The following LMF1 variants were observed in gnomAD, a reference collection of about 807,000 sequenced individuals.
LMF1 encodes transmembrane protein 112.
A neutral mutation model predicts 60.6 loss-of-function variants in LMF1; 68 were observed. The ratio of observed to expected loss-of-function variants is 1.12; its 90% confidence interval spans 0.92 to 1.37. The LOEUF (loss-of-function observed/expected upper bound fraction) is 1.37. Ranked by LOEUF, LMF1 falls within the 40% of genes most tolerant of loss-of-function variation. The pLI is 0.00. For missense variants in LMF1, 948 were observed against 767.2 expected (o/e 1.24, Z -2.78); for synonymous variants, 418 against 324.7 (o/e 1.29, Z -3.09).
intron 3 of LMF1, among the ~76,000 whole-genome samples, chr16:912,071 C>T (rs915024244): frequency 6.6e-5 from 10 of 152,162 alleles, no homozygotes; most frequent in Non-Finnish European, 4.4e-5. Flanking sequence ...CCCCAGAGAC[C>T]CCACAGGCCG....
intron 10 of LMF1, among the ~76,000 whole-genome samples, chr16:860,773 C>G (rs528047071): frequency 6.6e-6 from 1 of 151,556 alleles, no homozygotes; most frequent in South Asian, 2.1e-4. Flanking sequence ...GTAAAAAAAA[C>G]TCATCCGGGC....
chr16:940,965 T>A (rs1346641563), intron 2 of LMF1, among the ~76,000 whole-genome samples: 1 of 152,228 alleles, frequency 6.6e-6, no homozygotes. Context: ...TTGCTTCATA[T>A]ATTGTGAGGT....
chr16:934,165 AG>A, intron 3 of LMF1, 78 bp downstream of exon 3: 2 of 1,597,670 alleles, frequency 1.3e-6, no homozygotes, highest in Non-Finnish European at 1.7e-6. Flanking sequence ...GGGAGAGGCC[AG>A]GAAAAGTGCG....
At chr16:863,919 T>C (rs1206591552) in intron 10 of LMF1, among the ~76,000 whole-genome samples, 1 of 152,284 alleles carries the variant, frequency 6.6e-6, no homozygotes, top group Non-Finnish European at 1.5e-5. Context: ...AAATGTGACA[T>C]GTCATTCAGT....
intron 2 of LMF1, among the ~76,000 whole-genome samples, chr16:940,493 G>C (rs572540256): frequency 6.6e-6 from 1 of 152,308 alleles, no homozygotes; most frequent in Non-Finnish European, 1.5e-5. Flanking sequence ...ACAGGAAACA[G>C]CTGGGAAACC....
At chr16:865,688 A>G (rs950071044) in intron 10 of LMF1, among the ~76,000 whole-genome samples, 1 of 152,194 alleles carries the variant, frequency 6.6e-6, no homozygotes, top group African/African-American at 2.4e-5. Flanking sequence ...CGTTTTGCCA[A>G]ATTTGGGAAG....
intron 5 of LMF1, among the ~76,000 whole-genome samples, chr16:881,203 G>A (rs1247847785): frequency 6.6e-6 from 1 of 152,140 alleles, no homozygotes; most frequent in Non-Finnish European, 1.5e-5. Context: ...CACACCCGAG[G>A]GGGTGACCGG....
intron 6 of LMF1, 22 bp from the exon 7 acceptor site, chr16:871,363 G>A (rs1239624544): frequency 6.2e-7 from 1 of 1,610,020 alleles, no homozygotes. Flanking sequence ...CCGCAGCTGA[G>A]TCTCGTGCAG....
At chr16:920,745 G>C (rs1231973160) in intron 3 of LMF1, among the ~76,000 whole-genome samples, 5 of 152,180 alleles carry the variant, frequency 3.3e-5, no homozygotes, top group Non-Finnish European at 7.3e-5. Flanking sequence ...CAAGAAACTG[G>C]CAACGGAAGA....
At chr16:935,223 C>T (rs1362816713) in intron 2 of LMF1, among the ~76,000 whole-genome samples, 3 of 152,064 alleles carry the variant, frequency 2.0e-5, no homozygotes, top group African/African-American at 2.4e-5. Context: ...CCTCAGCCTC[C>T]TGAGTTGCTG....
At chr16:948,389 C>T (rs1389027385) in intron 2 of LMF1, among the ~76,000 whole-genome samples, 1 of 147,160 alleles carries the variant, frequency 6.8e-6, no homozygotes, top group African/African-American at 2.5e-5. Context: ...GAGCCAACGT[C>T]AGAGTCAGCC....
chr16:978,582 C>T (rs556630630), intron 1 of LMF1, among the ~76,000 whole-genome samples: 34 of 152,222 alleles, frequency 2.2e-4, no homozygotes, highest in Non-Finnish European at 3.2e-4. Context: ...CCGGCACTCA[C>T]GGCCCAGGGG....
chr16:939,250 C>G (rs952875976), intron 2 of LMF1, among the ~76,000 whole-genome samples: 1 of 113,288 alleles, frequency 8.8e-6, no homozygotes. Flanking sequence ...GACAACAGCA[C>G]GCTGTCCCCG....
At position 970,830 on chromosome 16, in the gene LMF1, G is replaced by C. The variant is rs1445126515; in HGVS notation, c.151C>G (p.Leu51Val). The change falls in exon 1 of 11, where the codon CTG becomes GTG. Residue 51 changes from leucine (L) to valine (V), a missense_variant. Coordinates refer to ENST00000262301, the MANE Select transcript of LMF1 (RefSeq NM_022773.4). ...GCCTTCAGGAGCACGATCCGGGTCA[G>C]CCAGAAGGTGCCCGTGTGGAGATGG... Reference protein sequence around the residue: ...PAHLHTGTFWLTRIVLLKALA... With the variant: ...PAHLHTGTFWVTRIVLLKALA... 1 of 1,548,412 alleles carries C rather than the reference G, an allele frequency of 6.5e-7. No homozygotes were observed. The highest frequency in any genetic ancestry group is 8.7e-7 in the Non-Finnish European group (1 of 1,147,366).
intron 6 of LMF1, among the ~76,000 whole-genome samples, chr16:875,287 C>T (rs1176595790): frequency 6.6e-6 from 1 of 152,052 alleles, no homozygotes; most frequent in Non-Finnish European, 1.5e-5. Flanking sequence ...ACGGGGCCAG[C>T]ACCGGCACTA....
intron 10 of LMF1, among the ~76,000 whole-genome samples, chr16:859,081 G>GC (rs1491428488): frequency 1.5e-4 from 16 of 109,856 alleles, no homozygotes; most frequent in East Asian, 2.7e-4. Context: ...GGACGGGTGT[G>GC]AGTGGTGTCT....
In LMF1 at chr16:954,489, G is replaced by A; in HGVS notation, c.371C>T (p.Ser124Phe). 6.2e-7 allele frequency: 1 copy of A among 1,612,882 alleles called. No homozygotes were observed. Among genetic ancestry groups the A allele is most frequent in the Non-Finnish European group, 8.5e-7 (1 of 1,179,598 alleles). ...LWLMDWSDMN[S>F]NLDLLALLGL... ...GAGAAGAGCCAGCAAGTCCAGGTTG[G>A]AGTTCATGTCTGACCAGTCCATCAG... Residue 124 changes from serine (S) to phenylalanine (F), a missense_variant, in exon 2 of 11, where the codon TCC (serine) becomes TTC (phenylalanine). By Grantham distance (155) the Ser-to-Phe change is radical. Coordinates refer to ENST00000262301, the MANE Select transcript of LMF1 (RefSeq NM_022773.4).
chr16:892,876 G>A (rs917197931), intron 5 of LMF1, 131 bp downstream of exon 5: 45 of 678,234 alleles, frequency 6.6e-5, no homozygotes, highest in Middle Eastern at 4.2e-4. Context: ...GGGAGAGGAC[G>A]TCCTGAATCA....
chr16:929,290 T>G (rs146323438), intron 3 of LMF1, among the ~76,000 whole-genome samples: 1 of 152,264 alleles, frequency 6.6e-6, no homozygotes, highest in Non-Finnish European at 1.5e-5. Context: ...GGGAGCCCCT[T>G]CCCAGAGCCC....
Sources: gnomAD v4.1 joint callset for allele counts (sites outside exome capture counted in the v4.1 genomes callset) on GRCh38, gnomAD v4.1.1 for gene constraint, MANE v1.5 for transcripts, NCBI Gene and HGNC (gene_info 2026-07-23, HGNC 2026-07-21) for gene names.